The following CDH20 variants were observed in gnomAD, a reference collection of about 807,000 sequenced individuals.
The protein encoded by CDH20 is cadherin-20.
Under a neutral mutation model 74.2 loss-of-function variants are expected in CDH20, and 29 were observed. That is an observed-to-expected ratio of 0.39 (90% CI 0.29 to 0.53). The LOEUF (loss-of-function observed/expected upper bound fraction) is 0.53, where lower values mean the gene tolerates loss of function less well. CDH20 is among the 20% of genes least tolerant of loss of function. CDH20 has a pLI of 0.69. For missense variants in CDH20, 988 were observed against 1,048.3 expected, an observed-to-expected ratio of 0.94 and a Z score of 0.79; for synonymous variants, 469 against 405.4, an observed-to-expected ratio of 1.16 and a Z score of -1.88.
chr18:61,485,449 G>A (rs1469612502), intron 1 of CDH20, among the ~76,000 whole-genome samples: 1 of 152,098 alleles, frequency 6.6e-6, no homozygotes, highest in African/African-American at 2.4e-5. Context: ...GACCCTGTTG[G>A]GAGTTGGTTG....
rs537817466 is a variant in CDH20 at position 61,343,015 on chromosome 18, G to GCAT, written c.-153+9189_-153+9191dup. Among the ~76,000 whole-genome samples the GCAT allele has an allele frequency of 1.1e-3, 165 of 152,226 alleles. 1 individual carries two copies. The highest frequency in any genetic ancestry group is 3.9e-3 in the African/African-American group (160 of 41,536). On this transcript the variant is annotated intron_variant, in intron 1 of 11. Coordinates refer to ENST00000262717, the MANE Select transcript of CDH20 (RefSeq NM_031891.4). ...AAAAGCTGGAACAATGGTTGTAAGGGCATTGTCCACAGTGCCCCCAAAAGC... is the reference window on the plus strand; with the variant it reads ...AAAAGCTGGAACAATGGTTGTAAGGGCATCATTGTCCACAGTGCCCCCAAAAGC...
At chr18:61,512,078 T>G (rs1911802435) in intron 6 of CDH20, among the ~76,000 whole-genome samples, 1 of 152,232 alleles carries the variant, frequency 6.6e-6, no homozygotes, top group Non-Finnish European at 1.5e-5. Flanking sequence ...CTGCTTTTGA[T>G]TTATTTCCCT....
Position 61,490,670 on chromosome 18 carries a change from A to G in CDH20, c.117A>G (p.Pro39=), listed in dbSNP as rs34813888. 5,679 of 1,614,052 alleles carry G rather than the reference A, an allele frequency of 3.5e-3. 172 individuals carry two copies. The African/African-American group carries it at 0.066, about 19-fold the overall frequency. Residue 39 remains proline, a synonymous_variant, in exon 2 of 12, where the codon CCA becomes CCG. Transcript: ENST00000262717. ...CCGTTCTCTCGGACACCCCAACACC[A>G]CAAGGTGAATTAGAAGCACTCCTGT... ...TTTVLSDTPT[P]QGELEALLSD...
rs1909247398 is a variant in CDH20 at position 61,447,709 on chromosome 18, C to T, written c.-152-42693C>T. ...TTGTAAGCTTGAAGAGCTAAGCCAA[C>T]AATTCTCCTTGGGGAGAGTTTAAAT... On this transcript the variant is annotated intron_variant, in intron 1 of 11. Coordinates refer to ENST00000262717, the MANE Select transcript of CDH20 (RefSeq NM_031891.4). Among the ~76,000 whole-genome samples the T allele has an allele frequency of 2.0e-5, 3 of 152,182 alleles. No homozygotes were observed. The South Asian group carries it at 6.2e-4, about 32-fold the overall frequency.
intron 5 of CDH20, among the ~76,000 whole-genome samples, chr18:61,505,516 T>C (rs1409631723): frequency 6.6e-6 from 1 of 151,966 alleles, no homozygotes; most frequent in African/African-American, 2.4e-5. Context: ...TTATATTTTT[T>C]ATAGAGATGG....
At chr18:61,492,632 C>T (rs963318893) in intron 2 of CDH20, among the ~76,000 whole-genome samples, 3 of 152,308 alleles carry the variant, frequency 2.0e-5, no homozygotes, top group Middle Eastern at 3.4e-3. Flanking sequence ...TTCCTACAAC[C>T]TGTCAAGCAC....
At chr18:61,408,644 C>T (rs1356195183) in intron 1 of CDH20, among the ~76,000 whole-genome samples, 1 of 152,196 alleles carries the variant, frequency 6.6e-6, no homozygotes, top group Non-Finnish European at 1.5e-5. Context: ...TTCTTACCAG[C>T]ATTTAGTTTT....
chr18:61,422,106 G>C (rs924762476), intron 1 of CDH20, among the ~76,000 whole-genome samples: 1 of 152,100 alleles, frequency 6.6e-6, no homozygotes, highest in African/African-American at 2.4e-5. Context: ...CCTTAATGAG[G>C]ATGGTAATAT....
chr18:61,345,158 T>C (rs1466676812), intron 1 of CDH20, among the ~76,000 whole-genome samples: 2 of 152,214 alleles, frequency 1.3e-5, no homozygotes, highest in African/African-American at 4.8e-5. Context: ...GAGCAAAAGA[T>C]TTAAAACACT....
intron 1 of CDH20, among the ~76,000 whole-genome samples, chr18:61,377,881 T>G (rs1336153663): frequency 6.6e-6 from 1 of 152,172 alleles, no homozygotes; most frequent in Admixed American, 6.6e-5. Context: ...CTAATTAGAC[T>G]GGTTCACATT....
At position 61,555,108 on chromosome 18, in the gene CDH20, A is replaced by C; in HGVS notation, c.*413A>C. The stretch of plus-strand genomic sequence containing the variant: ...TACTCTCGTATCTGTTTTTTATCTT[A>C]TCTTATTCTCCATTTAAGAGTTTTG... On this transcript the variant is annotated 3_prime_UTR_variant, in exon 12 of 12. Coordinates refer to ENST00000262717, the MANE Select transcript of CDH20 (RefSeq NM_031891.4). The C allele has an allele frequency of 9.9e-7, 1 of 1,012,280 alleles. No individual in the cohort carries two copies. The highest frequency in any genetic ancestry group is 1.2e-6 in the Non-Finnish European group (1 of 847,264). 62.7% of individuals were successfully genotyped at this position (1,012,280 alleles called of 1,614,324 possible).
At chr18:61,439,214 C>A (rs1184337112) in intron 1 of CDH20, among the ~76,000 whole-genome samples, 1 of 151,950 alleles carries the variant, frequency 6.6e-6, no homozygotes, top group Non-Finnish European at 1.5e-5. Flanking sequence ...GCAATATATC[C>A]CTGTAAGAAA....
chr18:61,534,030 T>C (rs942580412), intron 7 of CDH20, among the ~76,000 whole-genome samples: 13 of 148,622 alleles, frequency 8.7e-5, no homozygotes, highest in African/African-American at 2.7e-4. Flanking sequence ...CTTTGTAATA[T>C]TATTTCAAAA....
intron 1 of CDH20, among the ~76,000 whole-genome samples, chr18:61,470,337 A>C (rs1259490058): frequency 6.6e-6 from 1 of 152,184 alleles, no homozygotes; most frequent in Non-Finnish European, 1.5e-5. Context: ...AATGGTCAAA[A>C]CTGGCCTTGT....
intron 1 of CDH20, among the ~76,000 whole-genome samples, chr18:61,486,833 C>T (rs1404676245): frequency 6.6e-6 from 1 of 152,090 alleles, no homozygotes; most frequent in Non-Finnish European, 1.5e-5. Flanking sequence ...GTCATTTGAG[C>T]TTTGCTAAGC....
At chr18:61,411,537 A>T (rs1469169637) in intron 1 of CDH20, among the ~76,000 whole-genome samples, 1 of 151,094 alleles carries the variant, frequency 6.6e-6, no homozygotes. Flanking sequence ...GGATAAAGAA[A>T]CTGCGATGTG....
chr18:61,382,975 C>T (rs1345637904), intron 1 of CDH20, among the ~76,000 whole-genome samples: 4 of 152,250 alleles, frequency 2.6e-5, no homozygotes, highest in South Asian at 2.1e-4. Flanking sequence ...GACTAGATTA[C>T]GGTCTTGGAC....
chr18:61,441,282 C>T (rs1189202179), intron 1 of CDH20, among the ~76,000 whole-genome samples: 2 of 152,156 alleles, frequency 1.3e-5, no homozygotes, highest in Non-Finnish European at 2.9e-5. Context: ...TTTACAACTC[C>T]AATCTACTCA....
At chr18:61,414,466 T>C (rs1719486519) in intron 1 of CDH20, among the ~76,000 whole-genome samples, 1 of 152,168 alleles carries the variant, frequency 6.6e-6, no homozygotes, top group African/African-American at 2.4e-5. Context: ...TTTAATTAGA[T>C]TTTTTATAGA....
Sources: gnomAD v4.1 joint callset for allele counts (sites outside exome capture counted in the v4.1 genomes callset) on GRCh38, gnomAD v4.1.1 for gene constraint, MANE v1.5 for transcripts, NCBI Gene and HGNC (gene_info 2026-07-23, HGNC 2026-07-21) for gene names.